The following TRDMT1 variants were observed in gnomAD, a reference collection of about 807,000 sequenced individuals.
TRDMT1 encodes tRNA (cytosine(38)-C(5))-methyltransferase.
A neutral mutation model predicts 51.2 loss-of-function variants in TRDMT1; 49 were observed. The observed-to-expected ratio is 0.96, with a 90% CI of 0.76 to 1.21. The LOEUF is 1.21. Ranked by LOEUF, TRDMT1 falls within the 50% of genes most tolerant of loss-of-function variation. The pLI is 0.00. For missense variants in TRDMT1, 534 were observed against 462.3 expected, an observed-to-expected ratio of 1.16 and a Z score of -1.42; for synonymous variants, 187 against 164.6, an observed-to-expected ratio of 1.14 and a Z score of -1.04.
chr10:17,185,287 G>A (rs1028183039), intron 1 of TRDMT1, among the ~76,000 whole-genome samples: 1 of 152,186 alleles, frequency 6.6e-6, no homozygotes, highest in Admixed American at 6.5e-5. Flanking sequence ...CTCAAAAGAA[G>A]ACATTTATGC....
intron 1 of TRDMT1, among the ~76,000 whole-genome samples, chr10:17,192,027 C>T (rs1378822811): frequency 6.6e-6 from 1 of 152,150 alleles, no homozygotes; most frequent in East Asian, 1.9e-4. Context: ...GACACTGAAC[C>T]AGCAGCCCCA....
chr10:17,196,768 G>A (rs957382156), intron 1 of TRDMT1, among the ~76,000 whole-genome samples: 2 of 152,114 alleles, frequency 1.3e-5, no homozygotes, highest in African/African-American at 4.8e-5. Context: ...AGCTTCCCTT[G>A]TCTGGCCGTG....
chr10:17,144,199 T>TA lies in TRDMT1; in HGVS notation c.*4840dup, dbSNP rs1031001008. On this transcript the variant is annotated 3_prime_UTR_variant, in exon 11 of 11. Transcript: ENST00000377799. ...CTTTCACTCTCATCCTCTGACCCTC[T>TA]AGGTGATCTCATCTGATTATAGAGC... 4.3e-5 allele frequency: 42 copies of TA among 985,620 alleles called. No individual in the cohort carries two copies. The African/African-American group carries it at 6.1e-4, about 14-fold the overall frequency. 61.1% of individuals were successfully genotyped at this position (985,620 alleles called of 1,614,324 possible). A position where few individuals can be genotyped will look rare whatever the true frequency, so the allele number is the denominator to read the frequency against.
intron 1 of TRDMT1, among the ~76,000 whole-genome samples, chr10:17,198,783 G>A (rs1043152019): frequency 3.3e-5 from 5 of 152,172 alleles, no homozygotes; most frequent in African/African-American, 1.2e-4. Context: ...TTTAAAAATA[G>A]TTTAAATGAT....
intron 3 of TRDMT1, among the ~76,000 whole-genome samples, chr10:17,165,883 G>A (rs1462455976): frequency 6.6e-6 from 1 of 152,184 alleles, no homozygotes; most frequent in Non-Finnish European, 1.5e-5. Flanking sequence ...AGGTGCTGGA[G>A]AGGATGTGGA....
At chr10:17,152,693 G>C (rs1838911678) in intron 10 of TRDMT1, among the ~76,000 whole-genome samples, 3 of 152,170 alleles carry the variant, frequency 2.0e-5, no homozygotes, top group Admixed American at 2.0e-4. Flanking sequence ...AGAGCTGAGA[G>C]CACTGGCCCC....
intron 1 of TRDMT1, among the ~76,000 whole-genome samples, chr10:17,198,137 G>C (rs1038174827): frequency 6.6e-6 from 1 of 152,126 alleles, no homozygotes; most frequent in Non-Finnish European, 1.5e-5. Context: ...CCATCAGAAT[G>C]GCTATTATTT....
chr10:17,141,242 A>C lies in TRDMT1; in HGVS notation c.*7798T>G, dbSNP rs1219135075. Among the ~76,000 whole-genome samples the C allele has an allele frequency of 1.3e-5, 2 of 152,208 alleles. No individual in the cohort carries two copies. The highest frequency in any genetic ancestry group is 2.9e-5 in the Non-Finnish European group (2 of 68,034). On this transcript the variant is annotated 3_prime_UTR_variant, in exon 11 of 11. Transcript: ENST00000377799. ...CAGTGGCACGATCTCAGCTCACTGC[A>C]GTCTCCGCTCCTGGGTTCAAGCCAT...
At position 17,138,175 on chromosome 10, in the gene TRDMT1, G is replaced by T. The variant is rs2131341043; in HGVS notation, c.*10865C>A. 6.6e-6 allele frequency among the ~76,000 whole-genome samples: 1 copy of T among 152,226 alleles called. No individual in the cohort carries two copies. Among genetic ancestry groups the T allele is most frequent in the African/African-American group, 2.4e-5 (1 of 41,548 alleles). On this transcript the variant is annotated 3_prime_UTR_variant, in exon 11 of 11. Coordinates refer to ENST00000377799, the MANE Select transcript of TRDMT1 (RefSeq NM_004412.7). ...CCATTACATGTTATAGCTTCAATCT[G>T]GCTTTTGTGCTTTTTTTAGTCCCTT...
intron 4 of TRDMT1, 23 bp downstream of exon 4, chr10:17,162,143 T>C (rs1564282874): frequency 1.3e-6 from 2 of 1,585,334 alleles, no homozygotes; most frequent in Middle Eastern, 1.7e-4. Context: ...AAGGTAAGCT[T>C]GTACAGGAAC....
At chr10:17,168,259 T>C (rs912615263) in intron 3 of TRDMT1, among the ~76,000 whole-genome samples, 8 of 152,132 alleles carry the variant, frequency 5.3e-5, no homozygotes, top group African/African-American at 1.9e-4. Flanking sequence ...GCTGTGATCA[T>C]GCCACTGCAC....
chr10:17,191,766 T>C (rs79627907), intron 1 of TRDMT1, among the ~76,000 whole-genome samples: 4,789 of 152,126 alleles, frequency 0.031, 245 homozygotes, highest in African/African-American at 0.11. Context: ...TCTGGCTCCT[T>C]TCTCATCCTG....
At chr10:17,171,685 C>A (rs12412031) in intron 2 of TRDMT1, 19,864 of 152,198 alleles carry the variant, frequency 0.13, 1,408 homozygotes, top group Admixed American at 0.17. Context: ...TTGTGTCTCA[C>A]TGCCTCTTCC....
intron 10 of TRDMT1, 180 bp downstream of exon 10, chr10:17,153,327 G>C: frequency 1.5e-6 from 1 of 675,310 alleles, no homozygotes; most frequent in Non-Finnish European, 2.4e-6. Context: ...AGTCAGTAGA[G>C]AACCGAATGA....
intron 4 of TRDMT1, among the ~76,000 whole-genome samples, chr10:17,161,834 G>C (rs1182858424): frequency 1.3e-5 from 2 of 152,182 alleles, no homozygotes; most frequent in Non-Finnish European, 2.9e-5. Flanking sequence ...TACTCACATA[G>C]AAGGGTGGCT....
Position 17,189,411 on chromosome 10 carries a change from A to G in TRDMT1, c.64+12160T>C, listed in dbSNP as rs1156237428. On this transcript the variant is annotated intron_variant, in intron 1 of 10. Coordinates refer to ENST00000377799, the MANE Select transcript of TRDMT1 (RefSeq NM_004412.7). ...CATAAAAAATTTAGAAAAATGGTAG[A>G]TTCACAGCTTTTTCTTCAAACCATG... Among the ~76,000 whole-genome samples, 3 of 152,310 alleles carry G rather than the reference A, an allele frequency of 2.0e-5. No homozygotes were observed. The East Asian group carries it at 5.8e-4, about 29-fold the overall frequency.
intron 6 of TRDMT1, 144 bp from the exon 7 acceptor site, chr10:17,159,373 T>G: frequency 1.8e-6 from 1 of 543,296 alleles, no homozygotes; most frequent in Admixed American, 3.5e-5. Flanking sequence ...TACGGATTTG[T>G]AGAAGACTCC....
chr10:17,189,127 A>G (rs961425069), intron 1 of TRDMT1, among the ~76,000 whole-genome samples: 2 of 152,202 alleles, frequency 1.3e-5, no homozygotes, highest in African/African-American at 4.8e-5. Context: ...AGAAGACTAA[A>G]TTATAAGGCC....
chr10:17,168,891 T>A lies in TRDMT1; in HGVS notation c.201A>T (p.Arg67Ser). 6.2e-7 allele frequency: 1 copy of A among 1,612,272 alleles called. No homozygotes were observed. The highest frequency in any genetic ancestry group is 1.7e-5 in the Admixed American group (1 of 59,834). Residue 67 changes from arginine to serine, a missense_variant, in exon 3 of 11, where the codon AGA becomes AGT. Coordinates refer to ENST00000377799, the MANE Select transcript of TRDMT1 (RefSeq NM_004412.7). Reference sequence around the variant, plus strand: ...TCATTAAAATCATATCAAAAGATAATCTGTCAAACTCTTCGAGTGTAATGC... The same window carrying A: ...TCATTAAAATCATATCAAAAGATAAACTGTCAAACTCTTCGAGTGTAATGC... ...IEGITLEEFDRLSFDMILMSP... is the reference protein window; with the variant it reads ...IEGITLEEFDSLSFDMILMSP...
Sources: gnomAD v4.1 joint callset for allele counts (sites outside exome capture counted in the v4.1 genomes callset) on GRCh38, gnomAD v4.1.1 for gene constraint, MANE v1.5 for transcripts, NCBI Gene and HGNC (gene_info 2026-07-23, HGNC 2026-07-21) for gene names.